Variants in ANKRD28 observed in about 807,000 individuals in gnomAD.
ANKRD28 encodes serine/threonine-protein phosphatase 6 regulatory ankyrin repeat subunit A.
ANKRD28 carries 44 observed loss-of-function variants against 126.5 expected under a neutral mutation model. That is an observed-to-expected ratio of 0.35 (90% CI 0.27 to 0.45). The LOEUF is 0.45. ANKRD28 is among the 20% of genes least tolerant of loss of function. ANKRD28 has a pLI of 1.00. For missense variants in ANKRD28, 1,110 were observed against 1,316.6 expected (o/e 0.84, Z 2.43); for synonymous variants, 442 against 468.5 (o/e 0.94, Z 0.73).
intron 14 of ANKRD28, among the ~76,000 whole-genome samples, chr3:15,696,884 C>T (rs1486248855): frequency 6.6e-6 from 1 of 152,060 alleles, no homozygotes; most frequent in Admixed American, 6.5e-5. Context: ...TATGGAGATT[C>T]CTTAAGGAAC....
At chr3:15,803,135 C>G (rs141913595) in intron 1 of ANKRD28, among the ~76,000 whole-genome samples, 1 of 152,122 alleles carries the variant, frequency 6.6e-6, no homozygotes, top group Non-Finnish European at 1.5e-5. Context: ...ATTGAGAACT[C>G]ATTAAAAATT....
chr3:15,749,755 T>C (rs1267789482), intron 4 of ANKRD28, among the ~76,000 whole-genome samples: 1 of 152,194 alleles, frequency 6.6e-6, no homozygotes, highest in African/African-American at 2.4e-5. Context: ...ACTGTAGTGA[T>C]TGTTTTTGCT....
intron 17 of ANKRD28, among the ~76,000 whole-genome samples, chr3:15,694,170 T>A (rs1455724197): frequency 6.6e-6 from 1 of 151,994 alleles, no homozygotes; most frequent in Admixed American, 6.6e-5. Flanking sequence ...ACTTAAAAAA[T>A]TGTCACATTC....
chr3:15,690,991 G>A (rs759772599), intron 17 of ANKRD28, among the ~76,000 whole-genome samples: 15 of 152,254 alleles, frequency 9.9e-5, no homozygotes, highest in South Asian at 2.1e-4. Context: ...ACCCCATAAT[G>A]TGCCATAGCT....
intron 18 of ANKRD28, chr3:15,689,760 G>T: frequency 3.1e-6 from 1 of 320,664 alleles, no homozygotes; most frequent in Middle Eastern, 9.1e-4. Flanking sequence ...TTTGTGCTTG[G>T]TTTACTTGGG....
chr3:15,705,765 G>T (rs1253560428), intron 14 of ANKRD28, among the ~76,000 whole-genome samples: 1 of 152,150 alleles, frequency 6.6e-6, no homozygotes, highest in Non-Finnish European at 1.5e-5. Flanking sequence ...ATTTTGGAAG[G>T]CCAAGGTGGG....
intron 11 of ANKRD28, among the ~76,000 whole-genome samples, chr3:15,711,763 T>G (rs1362750011): frequency 1.3e-5 from 2 of 152,102 alleles, no homozygotes; most frequent in African/African-American, 4.8e-5. Flanking sequence ...CTCGGCTTAC[T>G]GCAACCTCTG....
chr3:15,714,774 T>G (rs2072803383), intron 8 of ANKRD28, 118 bp from the exon 9 acceptor site: 1 of 656,330 alleles, frequency 1.5e-6, no homozygotes, highest in Admixed American at 4.0e-5. Context: ...TGAATTAAGT[T>G]TAACTGAGGC....
rs1553640584 is a variant in ANKRD28 at position 15,803,666 on chromosome 3, G to GCCAAAAC, written c.28-8361_28-8360insGTTTTGG. ...TTTAGAAATAGGATTTATAGGACAT[G>GCCAAAAC]TTAATAGACTGGCTACAAGAGTGAT... On this transcript the variant is annotated intron_variant, in intron 1 of 27. Transcript: ENST00000399451. 3.2e-3 allele frequency among the ~76,000 whole-genome samples: 478 copies of GCCAAAAC among 147,292 alleles called. 26 individuals are homozygous for GCCAAAAC. Among genetic ancestry groups the GCCAAAAC allele is most frequent in the East Asian group, 0.012 (44 of 3,794 alleles).
At chr3:15,709,837 A>G (rs934561084) in intron 12 of ANKRD28, 101 bp from the exon 13 acceptor site, 22 of 659,696 alleles carry the variant, frequency 3.3e-5, no homozygotes, top group African/African-American at 3.2e-4. Flanking sequence ...ATATGAAGAT[A>G]AATGTGACAA....
At chr3:15,770,065 T>C (rs1052528035) in intron 2 of ANKRD28, among the ~76,000 whole-genome samples, 10 of 152,030 alleles carry the variant, frequency 6.6e-5, no homozygotes, top group African/African-American at 2.4e-4. Context: ...TTATGTACCT[T>C]ATAGGCACTA....
intron 18 of ANKRD28, 44 bp downstream of exon 18, chr3:15,689,975 T>C (rs993689484): frequency 6.9e-7 from 1 of 1,458,996 alleles, no homozygotes; most frequent in African/African-American, 1.4e-5. Flanking sequence ...AAAAAAAGTA[T>C]TGGATAGAAG....
chr3:15,765,847 C>CAAAAAAAAAAAAAA (rs202083902), intron 3 of ANKRD28, among the ~76,000 whole-genome samples: 1 of 133,112 alleles, frequency 7.5e-6, no homozygotes, highest in Non-Finnish European at 1.6e-5. Context: ...AACCAAAAAC[C>CAAAAAAAAAAAAAA]AAAAAAAAAA....
At chr3:15,736,900 G>A (rs935421250) in intron 5 of ANKRD28, 133 bp downstream of exon 5, 1 of 890,812 alleles carries the variant, frequency 1.1e-6, no homozygotes, top group African/African-American at 1.7e-5. Flanking sequence ...GTTATAAAAG[G>A]AGGCAAAATT....
Position 15,676,008 on chromosome 3 carries a change from T to C in ANKRD28, c.2874-19A>G, listed in dbSNP as rs753388675. On this transcript the variant is annotated intron_variant, in intron 26 of 27. Coordinates refer to ENST00000683139, the MANE Select transcript of ANKRD28 (RefSeq NM_001349278.2). ...CAGAGGTCTAGGGGAAAAAACATGA[T>C]ACATGTACACATATGTGCATGTGCA... 55 of 1,602,200 alleles carry C rather than the reference T, an allele frequency of 3.4e-5. No homozygotes were observed. In the Admixed American group the frequency reaches 9.1e-4, roughly 26 times the overall value.
chr3:15,795,322 G>A lies in ANKRD28; in HGVS notation c.118-16C>T, dbSNP rs770421259. On this transcript the variant is annotated splice_polypyrimidine_tract_variant and intron_variant, in intron 1 of 27. Coordinates refer to ENST00000683139, the MANE Select transcript of ANKRD28 (RefSeq NM_001349278.2). ...CCAGTGATGGCTAAAATAGAAGAGA[G>A]TAATAAAAACATTAGAATCATCCAT... 1.3e-5 allele frequency: 20 copies of A among 1,565,874 alleles called. No individual in the cohort carries two copies. The South Asian group carries it at 1.7e-4, about 13-fold the overall frequency.
At chr3:15,703,485 G>A (rs778540755) in intron 14 of ANKRD28, among the ~76,000 whole-genome samples, 1 of 152,174 alleles carries the variant, frequency 6.6e-6, no homozygotes, top group Non-Finnish European at 1.5e-5. Context: ...TTATAAATAA[G>A]GCCCAAAAGA....
At chr3:15,823,925 T>C (rs1161918592) in intron 1 of ANKRD28, among the ~76,000 whole-genome samples, 1 of 150,748 alleles carries the variant, frequency 6.6e-6, no homozygotes, top group African/African-American at 2.4e-5. Context: ...ATAAAGATCG[T>C]TTATTTAAAA....
At chr3:15,837,312 T>C (rs1204635066) in intron 1 of ANKRD28, among the ~76,000 whole-genome samples, 1 of 152,092 alleles carries the variant, frequency 6.6e-6, no homozygotes, top group Admixed American at 6.5e-5. Flanking sequence ...CTAACTGACA[T>C]CTATAGAAGA....
Sources: gnomAD v4.1 joint callset for allele counts (sites outside exome capture counted in the v4.1 genomes callset) on GRCh38, gnomAD v4.1.1 for gene constraint, MANE v1.5 for transcripts, NCBI Gene and HGNC (gene_info 2026-07-23, HGNC 2026-07-21) for gene names.